MAP3K5: variants seen among roughly 807,000 people sequenced by gnomAD.
MAP3K5 encodes mitogen-activated protein kinase kinase kinase 5, also known as ASK-1.
In MAP3K5, 56 loss-of-function variants were observed where a neutral mutation model predicts 158.7. That is an observed-to-expected ratio of 0.35 (90% CI 0.28 to 0.44). MAP3K5 has a LOEUF of 0.44. Among genes scored for constraint, MAP3K5 ranks in the 20% least tolerant of loss-of-function variants. The pLI is 1.00. For missense variants in MAP3K5, 1,294 were observed against 1,674.8 expected (o/e 0.77, Z 3.97); for synonymous variants, 579 against 601.7 (o/e 0.96, Z 0.55).
At chr6:136,790,648 T>C (rs748708820) in intron 1 of MAP3K5, among the ~76,000 whole-genome samples, 1 of 152,216 alleles carries the variant, frequency 6.6e-6, no homozygotes, top group Non-Finnish European at 1.5e-5. Flanking sequence ...TGGAAGACAC[T>C]AAAGAGAATC....
chr6:136,763,538 A>T (rs754370912), intron 1 of MAP3K5, among the ~76,000 whole-genome samples: 25 of 152,210 alleles, frequency 1.6e-4, no homozygotes, highest in Non-Finnish European at 2.6e-4. Flanking sequence ...ACAGAGGGAA[A>T]AAAAAGTTTT....
At chr6:136,675,796 A>G (rs1266301383) in intron 7 of MAP3K5, among the ~76,000 whole-genome samples, 2 of 152,194 alleles carry the variant, frequency 1.3e-5, no homozygotes, top group African/African-American at 2.4e-5. Flanking sequence ...CAAACATGCA[A>G]TAAAGAAAAT....
intron 7 of MAP3K5, among the ~76,000 whole-genome samples, chr6:136,674,952 G>A (rs947357242): frequency 6.6e-6 from 1 of 151,840 alleles, no homozygotes; most frequent in East Asian, 1.9e-4. Context: ...ATTTTATATA[G>A]AAAAGATACT....
intron 8 of MAP3K5, 121 bp from the exon 9 acceptor site, chr6:136,659,499 G>T: frequency 1.1e-6 from 1 of 907,026 alleles, no homozygotes; most frequent in South Asian, 1.7e-5. Context: ...GCTTTGTTAA[G>T]TTTCTGATTA....
chr6:136,636,196 G>A lies in MAP3K5; in HGVS notation c.2016+1129C>T, dbSNP rs117144186. 5.4e-3 allele frequency among the ~76,000 whole-genome samples: 824 copies of A among 152,206 alleles called. 2 individuals carry two copies. The highest frequency in any genetic ancestry group is 7.7e-3 in the Non-Finnish European group (523 of 68,000). On this transcript the variant is annotated intron_variant, in intron 14 of 29. Transcript: ENST00000359015. Reference sequence around the variant, plus strand: ...GGGAGGTGATTAGGTCTTGAAGGCAGAGCAGGGTAACATTAGTGGCCTTGT... The same window carrying A: ...GGGAGGTGATTAGGTCTTGAAGGCAAAGCAGGGTAACATTAGTGGCCTTGT...
At chr6:136,725,412 G>A (rs557278804) in intron 1 of MAP3K5, among the ~76,000 whole-genome samples, 1 of 152,254 alleles carries the variant, frequency 6.6e-6, no homozygotes, top group African/African-American at 2.4e-5. Flanking sequence ...GGTATGTAGT[G>A]GTACTTCGTT....
intron 7 of MAP3K5, among the ~76,000 whole-genome samples, chr6:136,689,291 C>T (rs1309857442): frequency 1.3e-5 from 2 of 152,168 alleles, no homozygotes; most frequent in Non-Finnish European, 2.9e-5. Context: ...CAGAGCAAGA[C>T]ACTATTTCTA....
rs954380703 is a variant in MAP3K5 at position 136,721,275 on chromosome 6, G to A, written c.449-686C>T. ...AAAATAGCAGTAACATATATAAAAC[G>A]AGATTTTTAAAAAATAAATAGGTAA... On this transcript the variant is annotated intron_variant, in intron 1 of 29. Coordinates refer to ENST00000359015, the MANE Select transcript of MAP3K5 (RefSeq NM_005923.4). Among the ~76,000 whole-genome samples, 7 of 148,700 alleles carry A rather than the reference G, an allele frequency of 4.7e-5. No individual in the cohort carries two copies. The East Asian group carries it at 9.8e-4, about 21-fold the overall frequency.
intron 25 of MAP3K5, among the ~76,000 whole-genome samples, chr6:136,574,132 T>C (rs1363385602): frequency 6.6e-6 from 1 of 152,156 alleles, no homozygotes; most frequent in Non-Finnish European, 1.5e-5. Flanking sequence ...GGTTTCACCA[T>C]GTTGGCCAGG....
At chr6:136,653,714 C>T (rs891025698) in intron 10 of MAP3K5, among the ~76,000 whole-genome samples, 21 of 152,158 alleles carry the variant, frequency 1.4e-4, no homozygotes, top group Admixed American at 1.0e-3. Flanking sequence ...GTTTCTGCAA[C>T]GCTTTATCAT....
intron 25 of MAP3K5, among the ~76,000 whole-genome samples, chr6:136,573,665 G>A (rs1774469355): frequency 6.6e-6 from 1 of 152,168 alleles, no homozygotes; most frequent in Non-Finnish European, 1.5e-5. Flanking sequence ...TAGAGAAAGA[G>A]GGAAGTGTAT....
At chr6:136,692,964 A>G (rs1246001737) in intron 7 of MAP3K5, among the ~76,000 whole-genome samples, 1 of 152,332 alleles carries the variant, frequency 6.6e-6, no homozygotes, top group Middle Eastern at 3.4e-3. Context: ...TCAAAAAAAA[A>G]AGAAAGAAAT....
chr6:136,593,299 A>G (rs1209304358), intron 21 of MAP3K5, among the ~76,000 whole-genome samples: 1 of 152,276 alleles, frequency 6.6e-6, no homozygotes, highest in Non-Finnish European at 1.5e-5. Flanking sequence ...AGAATAAGAC[A>G]GTGGAGTTGC....
chr6:136,618,912 TTTTG>T (rs973701595), intron 15 of MAP3K5, among the ~76,000 whole-genome samples: 1 of 152,226 alleles, frequency 6.6e-6, no homozygotes, highest in African/African-American at 2.4e-5. Flanking sequence ...CTTTCTATGA[TTTTG>T]TTTGGAGAAA....
intron 8 of MAP3K5, among the ~76,000 whole-genome samples, chr6:136,667,361 T>C (rs1779272798): frequency 6.6e-6 from 1 of 152,222 alleles, no homozygotes; most frequent in Non-Finnish European, 1.5e-5. Context: ...AATTTTATTA[T>C]AATCATAATT....
intron 18 of MAP3K5, among the ~76,000 whole-genome samples, chr6:136,610,218 A>G (rs2129089767): frequency 6.6e-6 from 1 of 152,262 alleles, no homozygotes; most frequent in African/African-American, 2.4e-5. Context: ...AGTGATAAGA[A>G]CTAAATGGAG....
intron 1 of MAP3K5, among the ~76,000 whole-genome samples, chr6:136,785,085 G>A (rs1258932582): frequency 2.0e-5 from 3 of 152,200 alleles, no homozygotes; most frequent in African/African-American, 7.2e-5. Context: ...TACTCGGAAA[G>A]TATATTGAAA....
Position 136,792,265 on chromosome 6 carries a change from C to T in MAP3K5, c.-108G>A. ...GCCCGCCGGGCTAAGCAGCTGCCAT[C>T]GCGCGCCGCGCCCTCGCCGCCGCGC... On this transcript the variant is annotated 5_prime_UTR_variant, in exon 1 of 30. Transcript: ENST00000359015. The surrounding 1 kb of genome is among the most constrained non-coding windows in gnomAD (Gnocchi z 5.7). 7 of 1,184,506 alleles carry T rather than the reference C, an allele frequency of 5.9e-6. No homozygotes were observed. The highest frequency in any genetic ancestry group is 6.2e-6 in the Non-Finnish European group (6 of 961,770). 73.4% of individuals were successfully genotyped at this position (1,184,506 alleles called of 1,614,324 possible). A position where few individuals can be genotyped will look rare whatever the true frequency, so the allele number is the denominator to read the frequency against.
At chr6:136,619,680 G>A (rs531602447) in intron 15 of MAP3K5, among the ~76,000 whole-genome samples, 6 of 152,332 alleles carry the variant, frequency 3.9e-5, no homozygotes, top group South Asian at 4.1e-4. Context: ...AGGAAAGAGC[G>A]AAAGCAGAGA....
Sources: gnomAD v4.1 joint callset for allele counts (sites outside exome capture counted in the v4.1 genomes callset) on GRCh38, gnomAD v4.1.1 for gene constraint, Gnocchi (gnomAD v3.1) non-coding constraint, MANE v1.5 for transcripts, NCBI Gene and HGNC (gene_info 2026-07-23, HGNC 2026-07-21) for gene names.